TPTE2: variants seen among roughly 807,000 people sequenced by gnomAD.
The protein encoded by TPTE2 is transmembrane phosphoinositide 3-phosphatase and tensin homolog 2, also known as phosphatidylinositol 3,4,5-trisphosphate 3-phosphatase TPTE2.
In TPTE2, 53 loss-of-function variants were observed where a neutral mutation model predicts 78.6. That is an observed-to-expected ratio of 0.67 (90% CI 0.54 to 0.85). The LOEUF (loss-of-function observed/expected upper bound fraction) is 0.85, where lower values mean the gene tolerates loss of function less well. Among genes scored for constraint, TPTE2 ranks in the 40% least tolerant of loss-of-function variants. The probability of loss-of-function intolerance (pLI) is 0.00; values close to 1 mark genes in which losing one functional copy is unlikely to be tolerated. For synonymous variants in TPTE2, 175 were observed against 206.2 expected (o/e 0.85, Z 1.30); for missense variants, 461 against 623.0 (o/e 0.74, Z 2.77).
At chr13:19,493,024 C>A (rs536629947) in intron 2 of TPTE2, 121 bp from the exon 6 acceptor site, 1 of 1,393,346 alleles carries the variant, frequency 7.2e-7, no homozygotes, top group East Asian at 2.4e-5. Flanking sequence ...AATCTGAGTC[C>A]CATAAAAATA....
rs764721330 is a variant in TPTE2 at position 19,464,566 on chromosome 13, A to T, written c.677-46T>A. On this transcript the variant is annotated intron_variant, in intron 9 of 19. Transcript: ENST00000400230. Reference sequence around the variant, plus strand: ...TATTACAAACATTATTATAGATTTCATATAACACAAAAAAAATTAATTTAT... The same window carrying T: ...TATTACAAACATTATTATAGATTTCTTATAACACAAAAAAAATTAATTTAT... 5 of 1,571,942 alleles carry T rather than the reference A, an allele frequency of 3.2e-6. No homozygotes were observed. The Admixed American group carries it at 5.7e-5, about 18-fold the overall frequency.
intron 13 of TPTE2, among the ~76,000 whole-genome samples, chr13:19,440,850 G>A (rs985560618): frequency 5.9e-5 from 9 of 152,152 alleles, no homozygotes; most frequent in African/African-American, 2.2e-4. Flanking sequence ...ACTTTGGGAG[G>A]CTGGGGTGGG....
intron 1 of TPTE2, among the ~76,000 whole-genome samples, chr13:19,524,743 A>G (rs1374953561): frequency 6.6e-6 from 1 of 152,176 alleles, no homozygotes; most frequent in Non-Finnish European, 1.5e-5. Flanking sequence ...TCTGAAAAAG[A>G]TGATGCTTGA....
At chr13:19,524,268 G>A (rs182968408) in intron 1 of TPTE2, among the ~76,000 whole-genome samples, 221 of 152,328 alleles carry the variant, frequency 1.5e-3, no homozygotes, top group African/African-American at 5.1e-3. Context: ...TCTGCAGGCA[G>A]TAGATTTTAA....
At chr13:19,470,775 C>T (rs1395485883) in intron 6 of TPTE2, among the ~76,000 whole-genome samples, 12 of 152,054 alleles carry the variant, frequency 7.9e-5, no homozygotes, top group Admixed American at 7.2e-4. Flanking sequence ...AACCACCCGC[C>T]TCTGCCTCCC....
chr13:19,550,762 A>T, the TPTE2 span, among the ~76,000 whole-genome samples: 2 of 151,976 alleles, frequency 1.3e-5, no homozygotes, highest in African/African-American at 4.8e-5. Flanking sequence ...TTATACCTCA[A>T]TACTGTTCTT....
chr13:19,489,923 T>C (rs1276518377), intron 3 of TPTE2, among the ~76,000 whole-genome samples: 1 of 152,096 alleles, frequency 6.6e-6, no homozygotes, highest in Non-Finnish European at 1.5e-5. Flanking sequence ...GGATTAAAAA[T>C]GTACACATCA....
At chr13:19,473,784 CG>C (rs1160305299) in intron 6 of TPTE2, 129 bp downstream of exon 9, 3 of 758,722 alleles carry the variant, frequency 4.0e-6, no homozygotes, top group Non-Finnish European at 5.8e-6. Flanking sequence ...TTAATAGAGA[CG>C]GGGTTTCACC....
chr13:19,510,125 C>T (rs1869331070), intron 1 of TPTE2, among the ~76,000 whole-genome samples: 1 of 152,136 alleles, frequency 6.6e-6, no homozygotes, highest in Non-Finnish European at 1.5e-5. Flanking sequence ...AGGCAGATGA[C>T]CTATTGGAGA....
At chr13:19,494,512 G>A (rs571362045) in intron 1 of TPTE2, among the ~76,000 whole-genome samples, 1 of 152,042 alleles carries the variant, frequency 6.6e-6, no homozygotes, top group Non-Finnish European at 1.5e-5. Context: ...AGGTTCAATC[G>A]ATTCTCCTGC....
chr13:19,489,699 A>T (rs1424371268), intron 3 of TPTE2, among the ~76,000 whole-genome samples: 1 of 150,352 alleles, frequency 6.7e-6, no homozygotes, highest in Non-Finnish European at 1.5e-5. Context: ...TATATACTAC[A>T]TATATAGCTA....
chr13:19,519,684 T>C (rs1870029041), intron 1 of TPTE2, among the ~76,000 whole-genome samples: 1 of 152,242 alleles, frequency 6.6e-6, no homozygotes, highest in Non-Finnish European at 1.5e-5. Context: ...ACTATAGCTT[T>C]ATAGTAAGTT....
At chr13:19,517,579 A>C (rs1000458000) in intron 1 of TPTE2, among the ~76,000 whole-genome samples, 16 of 152,184 alleles carry the variant, frequency 1.1e-4, no homozygotes, top group African/African-American at 3.6e-4. Flanking sequence ...TCTCCTGATG[A>C]GGATGAGAGG....
At chr13:19,503,717 A>G (rs1868782359), upstream of TPTE2, among the ~76,000 whole-genome samples, 1 of 152,184 alleles carries the variant, frequency 6.6e-6, no homozygotes, top group Non-Finnish European at 1.5e-5. Flanking sequence ...ACACAATCCA[A>G]TATGATGGTA....
intron 3 of TPTE2, among the ~76,000 whole-genome samples, chr13:19,490,504 T>C (rs1203964061): frequency 6.6e-6 from 1 of 152,222 alleles, no homozygotes; most frequent in East Asian, 1.9e-4. Flanking sequence ...ATCAAGTTTA[T>C]ATACATTTCT....
the TPTE2 span, among the ~76,000 whole-genome samples, chr13:19,544,060 CAA>C: frequency 0.012 from 373 of 31,936 alleles, no homozygotes; most frequent in African/African-American, 0.045. Context: ...GAACCTGTCT[CAA>C]AAAAAAAAAA....
At position 19,472,172 on chromosome 13, in the gene TPTE2, G is replaced by T. The variant is rs7994416; in HGVS notation, c.392+1742C>A. ...AGTCTTCTTTGAGTTACATCTGCTC[G>T]GTGTTTTATAACTTTCTTGTACTTG... On this transcript the variant is annotated intron_variant, in intron 6 of 19. Transcript: ENST00000400230. 8.7e-3 allele frequency among the ~76,000 whole-genome samples: 1,322 copies of T among 151,950 alleles called. 25 individuals carry two copies. Among genetic ancestry groups the T allele is most frequent in the African/African-American group, 0.03 (1,254 of 41,436 alleles).
chr13:19,424,755 G>A (rs1875890217), intron 19 of TPTE2, among the ~76,000 whole-genome samples, 192 bp downstream of exon 22: 1 of 152,222 alleles, frequency 6.6e-6, no homozygotes, highest in African/African-American at 2.4e-5. Flanking sequence ...TACTGCAACA[G>A]TGGGTCTCAA....
At chr13:19,520,862 T>C (rs1037672371) in intron 1 of TPTE2, among the ~76,000 whole-genome samples, 5 of 152,106 alleles carry the variant, frequency 3.3e-5, no homozygotes, top group Non-Finnish European at 7.4e-5. Context: ...AATTGATTAT[T>C]TAAGAGTACA....
Sources: allele counts gnomAD v4.1 joint callset (sites outside exome capture counted in the v4.1 genomes callset), GRCh38; gene constraint gnomAD v4.1.1; transcripts MANE v1.5; gene names NCBI Gene and HGNC (gene_info 2026-07-23, HGNC 2026-07-21).